Variants in SAMD3 observed in about 807,000 individuals in gnomAD.
SAMD3 encodes the protein sterile alpha motif domain-containing protein 3.
In SAMD3, 63 loss-of-function variants were observed where a neutral mutation model predicts 58.5. The ratio of observed to expected loss-of-function variants is 1.08; its 90% confidence interval spans 0.88 to 1.33. The LOEUF is 1.33. SAMD3 is among the 40% of genes most tolerant of loss of function. The pLI is 0.00. For missense variants in SAMD3, 604 were observed against 608.4 expected (o/e 0.99, Z 0.08); for synonymous variants, 220 against 210.3 (o/e 1.05, Z -0.40).
At chr6:130,248,961 T>A (rs1274670903) in intron 2 of SAMD3, among the ~76,000 whole-genome samples, 6 of 152,222 alleles carry the variant, frequency 3.9e-5, no homozygotes, top group Non-Finnish European at 7.3e-5. Context: ...TGTGTTTGTC[T>A]CACCGAGCGT....
intron 2 of SAMD3, among the ~76,000 whole-genome samples, chr6:130,301,488 T>C (rs1191093495): frequency 6.6e-6 from 1 of 152,154 alleles, no homozygotes; most frequent in African/African-American, 2.4e-5. Context: ...ATCAATATCA[T>C]TAAAATGACC....
chr6:130,334,229 G>T (rs989584125), intron 1 of SAMD3, among the ~76,000 whole-genome samples: 1 of 152,134 alleles, frequency 6.6e-6, no homozygotes, highest in African/African-American at 2.4e-5. Flanking sequence ...TGAAATTGGT[G>T]GTGGGAAGAG....
chr6:130,253,714 T>A (rs1773825829), intron 2 of SAMD3, among the ~76,000 whole-genome samples: 1 of 151,580 alleles, frequency 6.6e-6, no homozygotes, highest in Non-Finnish European at 1.5e-5. Context: ...AATATTTCCT[T>A]CTATTTCTTC....
chr6:130,323,558 T>C (rs2115003628), intron 1 of SAMD3, among the ~76,000 whole-genome samples: 1 of 152,062 alleles, frequency 6.6e-6, no homozygotes, highest in East Asian at 1.9e-4. Context: ...ATCCTAGCAC[T>C]TTGGGAGGCC....
At chr6:130,195,706 C>G (rs1323838285) in intron 5 of SAMD3, among the ~76,000 whole-genome samples, 4 of 152,196 alleles carry the variant, frequency 2.6e-5, no homozygotes, top group African/African-American at 9.7e-5. Flanking sequence ...TGCTGCAAGG[C>G]TTCACAGACA....
intron 10 of SAMD3, 86 bp from the exon 11 acceptor site, chr6:130,145,508 TTTG>T: frequency 1.1e-6 from 1 of 876,842 alleles, no homozygotes; most frequent in Non-Finnish European, 1.8e-6. Context: ...ATCTGGATTT[TTTG>T]TTACCTTGGA....
chr6:130,320,270 A>G (rs1346857721), intron 1 of SAMD3, among the ~76,000 whole-genome samples: 1 of 152,248 alleles, frequency 6.6e-6, no homozygotes, highest in Non-Finnish European at 1.5e-5. Flanking sequence ...ATCAAAGAAG[A>G]TAAATGAATA....
chr6:130,281,134 C>G (rs1774966383), intron 2 of SAMD3, among the ~76,000 whole-genome samples: 1 of 152,212 alleles, frequency 6.6e-6, no homozygotes, highest in Admixed American at 6.5e-5. Context: ...CTCTCTATCT[C>G]TCTCTTTCAA....
intron 2 of SAMD3, among the ~76,000 whole-genome samples, chr6:130,281,547 T>C (rs1278280575): frequency 7.2e-5 from 11 of 152,172 alleles, no homozygotes; most frequent in African/African-American, 2.4e-4. Flanking sequence ...AATCTAATCA[T>C]GTCACTCTTC....
In SAMD3 at chr6:130,171,640, T is replaced by C. The variant is rs780175633; in HGVS notation, c.822+4201A>G. 4.6e-5 allele frequency among the ~76,000 whole-genome samples: 7 copies of C among 152,338 alleles called. No individual in the cohort carries two copies. In the South Asian group the frequency reaches 1.5e-3, roughly 32 times the overall value. ...GTTTTACTTCCAATTATGTGATCAATTTTAGAATACGTGCTGTGTGGCACT... is the reference window on the plus strand; with the variant it reads ...GTTTTACTTCCAATTATGTGATCAACTTTAGAATACGTGCTGTGTGGCACT... On this transcript the variant is annotated intron_variant, in intron 8 of 11. Coordinates refer to ENST00000439090, the MANE Select transcript of SAMD3 (RefSeq NM_001017373.4).
chr6:130,247,975 G>A (rs1206555619), intron 2 of SAMD3, among the ~76,000 whole-genome samples: 1 of 152,070 alleles, frequency 6.6e-6, no homozygotes, highest in African/African-American at 2.4e-5. Flanking sequence ...TGGTTCATAA[G>A]TATTCCTAAT....
intron 2 of SAMD3, among the ~76,000 whole-genome samples, chr6:130,270,628 T>C (rs1398171758): frequency 6.6e-6 from 1 of 152,200 alleles, no homozygotes; most frequent in African/African-American, 2.4e-5. Flanking sequence ...AGTCTAAACA[T>C]CACTTTTTCA....
chr6:130,309,530 C>T (rs1005917840), intron 2 of SAMD3, among the ~76,000 whole-genome samples: 3 of 152,188 alleles, frequency 2.0e-5, no homozygotes, highest in Non-Finnish European at 2.9e-5. Context: ...TCATTGATAT[C>T]GGCAACTACA....
At chr6:130,279,802 T>C (rs1168790363) in intron 2 of SAMD3, among the ~76,000 whole-genome samples, 1 of 152,160 alleles carries the variant, frequency 6.6e-6, no homozygotes, top group Non-Finnish European at 1.5e-5. Flanking sequence ...CTTTTCTTTA[T>C]AAATTACCCA....
At chr6:130,342,666 A>T (rs1777309164) in intron 1 of SAMD3, among the ~76,000 whole-genome samples, 1 of 152,224 alleles carries the variant, frequency 6.6e-6, no homozygotes, top group Non-Finnish European at 1.5e-5. Flanking sequence ...GTGAGACTCC[A>T]TTATTAAAAT....
At chr6:130,188,826 A>G (rs1289137019) in intron 5 of SAMD3, among the ~76,000 whole-genome samples, 1 of 152,020 alleles carries the variant, frequency 6.6e-6, no homozygotes, top group African/African-American at 2.4e-5. Flanking sequence ...CTCTCTGACA[A>G]CTTGTTTATT....
chr6:130,249,817 G>A (rs1773680135), intron 2 of SAMD3, among the ~76,000 whole-genome samples: 1 of 152,022 alleles, frequency 6.6e-6, no homozygotes, highest in Admixed American at 6.6e-5. Context: ...TTTCTGAGTA[G>A]AACGTGACAT....
chr6:130,224,454 G>C (rs189802126), upstream of SAMD3, among the ~76,000 whole-genome samples: 19 of 152,076 alleles, frequency 1.2e-4, no homozygotes, highest in South Asian at 4.2e-4. Context: ...GCACAGATGG[G>C]AGGTGTGGAG....
intron 8 of SAMD3, among the ~76,000 whole-genome samples, chr6:130,156,218 A>C (rs1582738795): frequency 6.6e-6 from 1 of 152,128 alleles, no homozygotes; most frequent in South Asian, 2.1e-4. Flanking sequence ...TGCACCTGTA[A>C]TCCCAGCTAC....
Sources: allele counts gnomAD v4.1 joint callset (sites outside exome capture counted in the v4.1 genomes callset), GRCh38; gene constraint gnomAD v4.1.1; transcripts MANE v1.5; gene names NCBI Gene and HGNC (gene_info 2026-07-23, HGNC 2026-07-21).